SLC7A2: variants seen among roughly 807,000 people sequenced by gnomAD.
SLC7A2 encodes solute carrier family 7 member 2, also known as cationic amino acid transporter 2.
A neutral mutation model predicts 58.9 loss-of-function variants in SLC7A2; 48 were observed. The ratio of observed to expected loss-of-function variants is 0.82; its 90% CI spans 0.65 to 1.04. The LOEUF is 1.04. Among genes scored for constraint, SLC7A2 ranks in the 50% least tolerant of loss-of-function variants. The pLI is 0.00. For synonymous variants in SLC7A2, 363 were observed against 314.5 expected (o/e 1.15, Z -1.63); for missense variants, 1,029 against 818.8 (o/e 1.26, Z -3.13).
chr8:17,524,421 T>TACACACACAC (rs367710230), intron 2 of SLC7A2, among the ~76,000 whole-genome samples: 4 of 135,094 alleles, frequency 3.0e-5, no homozygotes, highest in African/African-American at 5.4e-5. Context: ...TGTGTGTGTG[T>TACACACACAC]ACACACACAC....
chr8:17,560,447 G>C lies in SLC7A2; in HGVS notation c.1418G>C (p.Gly473Ala). Residue 473 changes from glycine to alanine, a missense_variant, in exon 10 of 13, where the codon GGC (glycine) becomes GCC (alanine). Coordinates refer to ENST00000494857, the MANE Select transcript of SLC7A2 (RefSeq NM_001370338.1). Reference sequence around the variant, plus strand: ...CAGGTCACCATGCTGCAGAGACAGGGCTTCAGCATGCGGACCCTCTTCTGC... The same window carrying C: ...CAGGTCACCATGCTGCAGAGACAGGCCTTCAGCATGCGGACCCTCTTCTGC... The part of the protein sequence containing the change: ...ESQVTMLQRQ[G>A]FSMRTLFCPS... The C allele has an allele frequency of 4.3e-6, 7 of 1,613,980 alleles. No homozygotes were observed. The highest frequency in any genetic ancestry group is 5.9e-6 in the Non-Finnish European group (7 of 1,179,866).
At chr8:17,500,951 T>C (rs2952120) in intron 1 of SLC7A2, among the ~76,000 whole-genome samples, 1 of 152,102 alleles carries the variant, frequency 6.6e-6, no homozygotes, top group Non-Finnish European at 1.5e-5. Context: ...TAATGGAAAC[T>C]GTTATATATC....
chr8:17,523,993 T>C (rs962895729), intron 2 of SLC7A2, among the ~76,000 whole-genome samples: 1 of 152,070 alleles, frequency 6.6e-6, no homozygotes, highest in Non-Finnish European at 1.5e-5. Context: ...CCAACAAGCA[T>C]ATGGAAAAAT....
chr8:17,543,686 G>T lies in SLC7A2; in HGVS notation c.347G>T (p.Gly116Val), dbSNP rs747809163. ...TVGELWAFITGWNLILSYVIG... is the reference protein window; with the variant it reads ...TVGELWAFITVWNLILSYVIG... Reference sequence around the variant, plus strand: ...GGAGAGCTGTGGGCCTTCATCACTGGCTGGAATCTCATTTTATCGTATGTG... The same window carrying T: ...GGAGAGCTGTGGGCCTTCATCACTGTCTGGAATCTCATTTTATCGTATGTG... The change falls in exon 3 of 13, where the codon GGC becomes GTC. Residue 116 changes from glycine (G) to valine (V), a missense_variant. Coordinates refer to ENST00000494857, the MANE Select transcript of SLC7A2 (RefSeq NM_001370338.1). 1 of 1,519,902 alleles carries T rather than the reference G, an allele frequency of 6.6e-7. No individual in the cohort carries two copies. Among genetic ancestry groups the T allele is most frequent in the Non-Finnish European group, 8.8e-7 (1 of 1,135,230 alleles). The allele number at this position is 1,519,902 out of a possible 1,614,324, so 94.2% of individuals were successfully genotyped here.
chr8:17,520,042 A>G (rs2213907), intron 2 of SLC7A2, among the ~76,000 whole-genome samples: 6,873 of 152,246 alleles, frequency 0.045, 178 homozygotes, highest in Middle Eastern at 0.068. Flanking sequence ...AGTGAAACAT[A>G]TATGTTAAAG....
intron 2 of SLC7A2, among the ~76,000 whole-genome samples, chr8:17,520,406 C>T (rs1309323832): frequency 1.3e-5 from 2 of 151,710 alleles, no homozygotes; most frequent in South Asian, 2.1e-4. Context: ...TTTGGGAGGC[C>T]GAGGTGGGCG....
rs997922267 is a variant in SLC7A2, at chr8:17,567,936, A to G, written c.*2790A>G. The G allele has an allele frequency of 5.3e-5, 8 of 152,076 alleles. No homozygotes were observed. Among genetic ancestry groups the G allele is most frequent in the African/African-American group, 1.9e-4 (8 of 41,398 alleles). The allele number at this position is 152,076 out of a possible 1,614,324, so 9.4% of individuals were successfully genotyped here. A position where few individuals can be genotyped will look rare whatever the true frequency, so the allele number is the denominator to read the frequency against. ...CCTTTTCCGACTGATCTGTCCTGGT[A>G]GGTGTTTATTAGCAAAAGTCAGTAT... On this transcript the variant is annotated 3_prime_UTR_variant, in exon 13 of 13. Coordinates refer to ENST00000494857, the MANE Select transcript of SLC7A2 (RefSeq NM_001370338.1).
At chr8:17,558,956 A>G (rs1448135325) in intron 9 of SLC7A2, among the ~76,000 whole-genome samples, 1 of 152,228 alleles carries the variant, frequency 6.6e-6, no homozygotes, top group African/African-American at 2.4e-5. Flanking sequence ...ATAAATTTTC[A>G]TGAAGAAATC....
At chr8:17,547,098 A>G (rs1484697005) in intron 4 of SLC7A2, among the ~76,000 whole-genome samples, 1 of 152,202 alleles carries the variant, frequency 6.6e-6, no homozygotes, top group Admixed American at 6.5e-5. Flanking sequence ...TTTATAAATC[A>G]ATGTATTAGT....
At chr8:17,521,580 C>A (rs1023975018) in intron 2 of SLC7A2, among the ~76,000 whole-genome samples, 3 of 152,232 alleles carry the variant, frequency 2.0e-5, no homozygotes, top group Admixed American at 6.5e-5. Flanking sequence ...CCAGTGAAGA[C>A]AGCCGTGGCA....
intron 2 of SLC7A2, among the ~76,000 whole-genome samples, chr8:17,503,199 C>G (rs942452282): frequency 1.3e-5 from 2 of 151,870 alleles, no homozygotes; most frequent in Non-Finnish European, 2.9e-5. Context: ...TACAGGCGCC[C>G]GCCACCACGC....
chr8:17,561,336 A>G (rs1173377775), intron 10 of SLC7A2, among the ~76,000 whole-genome samples: 2 of 152,168 alleles, frequency 1.3e-5, no homozygotes, highest in African/African-American at 2.4e-5. Flanking sequence ...ACATCTTAAC[A>G]TGGCAGCAGG....
intron 1 of SLC7A2, chr8:17,498,867 G>C (rs71526132): frequency 6.6e-6 from 1 of 152,182 alleles, no homozygotes; most frequent in Admixed American, 6.5e-5. Flanking sequence ...CTGGGAAGGC[G>C]AATAGAAGCT....
intron 2 of SLC7A2, among the ~76,000 whole-genome samples, chr8:17,541,715 A>AT (rs1801919268): frequency 1.3e-5 from 2 of 152,232 alleles, no homozygotes; most frequent in African/African-American, 4.8e-5. Context: ...TCTTTTGCAT[A>AT]TAAGTTGTAC....
Position 17,560,351 on chromosome 8 carries a change from A to G in SLC7A2, c.1322A>G (p.Asp441Gly), listed in dbSNP as rs894514732. 6.2e-7 allele frequency: 1 copy of G among 1,614,028 alleles called. No homozygotes were observed. The highest frequency in any genetic ancestry group is 1.3e-5 in the African/African-American group (1 of 75,010). ...ILRYQPGLSY[D>G]QPKCSPEKDG... Reference sequence around the variant, plus strand: ...AGGTACCAGCCTGGCTTATCTTACGACCAGCCCAAATGTTCTCCTGAGAAA... The same window carrying G: ...AGGTACCAGCCTGGCTTATCTTACGGCCAGCCCAAATGTTCTCCTGAGAAA... The change falls in exon 10 of 13, where the codon GAC (aspartate) becomes GGC (glycine). Residue 441 changes from aspartate to glycine, a missense_variant. Transcript: ENST00000494857.
intron 2 of SLC7A2, among the ~76,000 whole-genome samples, chr8:17,502,726 C>T (rs952922375): frequency 6.6e-6 from 1 of 152,146 alleles, no homozygotes; most frequent in African/African-American, 2.4e-5. Context: ...TAAAGGAATC[C>T]TGGAATGAGT....
chr8:17,548,236 G>C (rs1182445115), intron 4 of SLC7A2, among the ~76,000 whole-genome samples: 1 of 152,318 alleles, frequency 6.6e-6, no homozygotes, highest in East Asian at 1.9e-4. Flanking sequence ...AGCTACTCAG[G>C]TGGCTGAGGT....
intron 2 of SLC7A2, among the ~76,000 whole-genome samples, chr8:17,525,512 A>C (rs1563448986): frequency 6.6e-6 from 1 of 152,232 alleles, no homozygotes; most frequent in Non-Finnish European, 1.5e-5. Flanking sequence ...AAAGGACACT[A>C]TACAGATACG....
chr8:17,505,583 A>G (rs1369658432), intron 2 of SLC7A2, among the ~76,000 whole-genome samples: 2 of 152,156 alleles, frequency 1.3e-5, no homozygotes, highest in Non-Finnish European at 2.9e-5. Context: ...AGACTCGTAG[A>G]TTTCAATGTC....
Sources: allele counts gnomAD v4.1 joint callset (sites outside exome capture counted in the v4.1 genomes callset), GRCh38; gene constraint gnomAD v4.1.1; transcripts MANE v1.5; gene names NCBI Gene and HGNC (gene_info 2026-07-23, HGNC 2026-07-21).